CCDC18: variants seen among roughly 807,000 people sequenced by gnomAD.
CCDC18 encodes coiled-coil domain-containing protein 18.
CCDC18 carries 157 observed loss-of-function variants against 196.0 expected under a neutral mutation model. The observed-to-expected ratio is 0.80, with a 90% CI of 0.70 to 0.91. The LOEUF (loss-of-function observed/expected upper bound fraction) is 0.91, where lower values mean the gene tolerates loss of function less well. Ranked by LOEUF, CCDC18 falls within the 40% of genes least tolerant of loss-of-function variation. The pLI is 0.00. For synonymous variants in CCDC18, 482 were observed against 529.2 expected (o/e 0.91, Z 1.22); for missense variants, 1,465 against 1,611.6 (o/e 0.91, Z 1.56).
rs879094245 is a variant in CCDC18, at chr1:93,183,291, A to C, written c.-2-69A>C. 1.7e-5 allele frequency: 19 copies of C among 1,099,196 alleles called. 1 individual carries two copies. In the South Asian group the frequency reaches 3.7e-4, roughly 21 times the overall value. 68.1% of individuals were successfully genotyped at this position (1,099,196 alleles called of 1,614,324 possible). On this transcript the variant is annotated intron_variant, in intron 1 of 28. Coordinates refer to ENST00000690025, the MANE Select transcript of CCDC18 (RefSeq NM_001378204.1). ...AAAACTAATGAGTTAAATTCTATTC[A>C]TGTGAGTATTTTGACTGAAACTACA...
intron 6 of CCDC18, among the ~76,000 whole-genome samples, chr1:93,194,056 T>G (rs1652300317): frequency 6.6e-6 from 1 of 152,104 alleles, no homozygotes; most frequent in South Asian, 2.1e-4. Context: ...TTTAAAATAC[T>G]AACAGGGAAA....
intron 6 of CCDC18, among the ~76,000 whole-genome samples, chr1:93,199,570 C>T (rs1005990510): frequency 6.6e-6 from 1 of 152,220 alleles, no homozygotes; most frequent in Non-Finnish European, 1.5e-5. Flanking sequence ...CTTCTTGTTG[C>T]CTGCAACGTA....
intron 22 of CCDC18, 102 bp from the exon 23 acceptor site, chr1:93,246,736 T>A (rs1307267864): frequency 6.3e-6 from 4 of 630,430 alleles, no homozygotes; most frequent in Non-Finnish European, 1.1e-5. Context: ...CTAATGAGTT[T>A]ATACTTGTTA....
chr1:93,226,310 T>C (rs201840749), intron 16 of CCDC18, 23 bp from the exon 17 acceptor site: 2 of 899,908 alleles, frequency 2.2e-6, no homozygotes, highest in Non-Finnish European at 3.4e-6. Flanking sequence ...TTTTTTTTTT[T>C]TTTTGCTTTT....
At chr1:93,235,272 G>A (rs972800544) in intron 18 of CCDC18, among the ~76,000 whole-genome samples, 10 of 152,094 alleles carry the variant, frequency 6.6e-5, no homozygotes, top group African/African-American at 2.4e-4. Context: ...AAATTACCTA[G>A]GGAGAGAATA....
intron 26 of CCDC18, among the ~76,000 whole-genome samples, chr1:93,260,246 T>C (rs1262001766): frequency 6.6e-6 from 1 of 152,106 alleles, no homozygotes; most frequent in East Asian, 1.9e-4. Context: ...TAGCTGGGTG[T>C]GGTGGCGCAT....
intron 23 of CCDC18, among the ~76,000 whole-genome samples, chr1:93,248,004 TCCTTC>T (rs1252579646): frequency 6.7e-6 from 1 of 149,192 alleles, no homozygotes; most frequent in Non-Finnish European, 1.5e-5. Flanking sequence ...TGTGTTATTT[TCCTTC>T]TTTTTTTTTT....
In CCDC18 at chr1:93,184,095, C is replaced by A; in HGVS notation, c.252C>A (p.Val84=). 1 of 1,569,092 alleles carries A rather than the reference C, an allele frequency of 6.4e-7. No individual in the cohort carries two copies. Among genetic ancestry groups the A allele is most frequent in the Non-Finnish European group, 8.7e-7 (1 of 1,153,322 alleles). The change falls in exon 3 of 29, where the codon GTC becomes GTA. Residue 84 remains valine (V), a synonymous_variant. Transcript: ENST00000690025. Reference sequence around the variant, plus strand: ...TGAATTATTCACCTTATGAAAACGTCTGTAAAATATCTGGTAGCAGCACTG... The same window carrying A: ...TGAATTATTCACCTTATGAAAACGTATGTAAAATATCTGGTAGCAGCACTG... The part of the protein sequence containing the change: ...GLLNYSPYEN[V]CKISGSSTDF...
At chr1:93,211,058 C>T (rs1021695132) in intron 10 of CCDC18, 132 bp downstream of exon 10, 29 of 855,268 alleles carry the variant, frequency 3.4e-5, no homozygotes, top group African/African-American at 1.7e-4. Flanking sequence ...AGGCGGATCA[C>T]GAGGTCAGGA....
rs757955417 is a variant in CCDC18 at position 93,221,891 on chromosome 1, A to C, written c.2130A>C (p.Glu710Asp). 1 of 1,601,890 alleles carries C rather than the reference A, an allele frequency of 6.2e-7. No homozygotes were observed. The highest frequency in any genetic ancestry group is 1.3e-5 in the African/African-American group (1 of 74,134). The change falls in exon 16 of 29, where the codon GAA (glutamate) becomes GAC (aspartate). Residue 710 changes from glutamate (E) to aspartate (D), a missense_variant. Coordinates refer to ENST00000690025, the MANE Select transcript of CCDC18 (RefSeq NM_001378204.1). ...AAAAGGAAAATATGAAGAAAGATGA[A>C]GCTTTAAAAGCATTACAGAACCAAG... ...EMKKENMKKD[E>D]ALKALQNQVS... is the part of the protein sequence containing the mutation.
At chr1:93,246,239 T>C (rs773851191) in intron 22 of CCDC18, 35 bp downstream of exon 22, 12 of 1,462,142 alleles carry the variant, frequency 8.2e-6, no homozygotes, top group Non-Finnish European at 1.1e-5. Context: ...AATGGAGTTT[T>C]CTGTTATGAC....
intron 27 of CCDC18, among the ~76,000 whole-genome samples, chr1:93,266,851 A>G (rs1664593467): frequency 6.6e-6 from 1 of 152,216 alleles, no homozygotes; most frequent in Non-Finnish European, 1.5e-5. Flanking sequence ...TCATAGCTGA[A>G]TTCTACCAGA....
intron 23 of CCDC18, among the ~76,000 whole-genome samples, chr1:93,247,577 G>A (rs1661651429): frequency 6.6e-6 from 1 of 151,728 alleles, no homozygotes; most frequent in South Asian, 2.1e-4. Context: ...CACCATGATT[G>A]GCTAATTTTT....
intron 4 of CCDC18, chr1:93,190,809 A>T: frequency 1.4e-6 from 1 of 703,592 alleles, no homozygotes; most frequent in Non-Finnish European, 2.6e-6. Context: ...ATCTTTTAAT[A>T]CTCAGCATTC....
intron 4 of CCDC18, among the ~76,000 whole-genome samples, chr1:93,187,718 C>G (rs907028593): frequency 2.0e-5 from 3 of 152,036 alleles, no homozygotes; most frequent in Non-Finnish European, 2.9e-5. Context: ...CATAAAACTT[C>G]TTTGGTGTTT....
intron 14 of CCDC18, among the ~76,000 whole-genome samples, 173 bp downstream of exon 14, chr1:93,218,042 G>C (rs1200938935): frequency 6.6e-6 from 1 of 152,140 alleles, no homozygotes; most frequent in African/African-American, 2.4e-5. Context: ...ACAGAATATA[G>C]TATGCCTTCT....
rs775017598 is a variant in CCDC18 at position 93,246,124 on chromosome 1, G to T, written c.3001G>T (p.Glu1001Ter). 46 of 1,604,680 alleles carry T rather than the reference G, an allele frequency of 2.9e-5. No homozygotes were observed. The highest frequency in any genetic ancestry group is 3.6e-5 in the Non-Finnish European group (42 of 1,175,414). ...AELRECKMEI[E>*]DKKQELLEMD... ...TTGTAGAGAATGCAAGATGGAGATT[G>T]AAGACAAAAAGCAGGAGCTCCTTGA... Residue 1001 changes from glutamate to a stop codon, truncating the protein, a stop_gained, in exon 22 of 29, where the codon GAA becomes TAA. Transcript: ENST00000690025. LOFTEE classifies it high-confidence loss of function.
intron 1 of CCDC18, among the ~76,000 whole-genome samples, chr1:93,182,576 A>G (rs1452990600): frequency 6.6e-6 from 1 of 152,212 alleles, no homozygotes; most frequent in Non-Finnish European, 1.5e-5. Context: ...TTATTGTATT[A>G]ATTACAATAA....
At chr1:93,181,954 C>T (rs1294969273) in intron 1 of CCDC18, among the ~76,000 whole-genome samples, 2 of 152,148 alleles carry the variant, frequency 1.3e-5, no homozygotes, top group Non-Finnish European at 1.5e-5. Flanking sequence ...AGATGTTGAA[C>T]TAAAACCTGA....
Sources: allele counts gnomAD v4.1 joint callset (sites outside exome capture counted in the v4.1 genomes callset), GRCh38; gene constraint gnomAD v4.1.1; transcripts MANE v1.5; gene names NCBI Gene and HGNC (gene_info 2026-07-23, HGNC 2026-07-21).